DPYD: variants seen among roughly 807,000 people sequenced by gnomAD.
DPYD encodes the protein dihydropyrimidine dehydrogenase, also known as dihydropyrimidine dehydrogenase [NADP(+)].
Under a neutral mutation model 116.2 loss-of-function variants are expected in DPYD, and 109 were observed. That is an observed-to-expected ratio of 0.94 (90% CI 0.80 to 1.10). DPYD has a LOEUF of 1.10. DPYD is among the 50% of genes least tolerant of loss of function. The probability of loss-of-function intolerance (pLI) is 0.00; values close to 1 mark genes in which losing one functional copy is unlikely to be tolerated. For missense variants in DPYD, 1,302 were observed against 1,254.5 expected (o/e 1.04, Z -0.57); for synonymous variants, 440 against 432.0 (o/e 1.02, Z -0.23).
chr1:97,236,319 T>C (rs192620297), intron 18 of DPYD, among the ~76,000 whole-genome samples: 92 of 152,306 alleles, frequency 6.0e-4, no homozygotes, highest in African/African-American at 2.1e-3. Context: ...AATATCAATA[T>C]GTATTTACTG....
At chr1:97,600,252 C>A (rs1042510271) in intron 8 of DPYD, among the ~76,000 whole-genome samples, 1 of 152,058 alleles carries the variant, frequency 6.6e-6, no homozygotes, top group African/African-American at 2.4e-5. Context: ...AGTTTTTCAC[C>A]TTCCAAAGTA....
chr1:97,466,217 T>C (rs906026319), intron 13 of DPYD, among the ~76,000 whole-genome samples: 1 of 152,202 alleles, frequency 6.6e-6, no homozygotes, highest in Non-Finnish European at 1.5e-5. Flanking sequence ...ACGCAAAATA[T>C]TCTTATTTGT....
chr1:97,879,201 T>C (rs1371708317), intron 2 of DPYD, among the ~76,000 whole-genome samples: 3 of 152,008 alleles, frequency 2.0e-5, no homozygotes, highest in Admixed American at 2.0e-4. Flanking sequence ...AGGGTGCTTC[T>C]GAAGCTTAAA....
At chr1:97,789,106 G>A (rs1352734135) in intron 3 of DPYD, among the ~76,000 whole-genome samples, 2 of 152,108 alleles carry the variant, frequency 1.3e-5, no homozygotes, top group Non-Finnish European at 2.9e-5. Context: ...AACACCTGTG[G>A]CTGAATAAAA....
At chr1:97,729,988 C>G (rs1663495122) in intron 4 of DPYD, among the ~76,000 whole-genome samples, 1 of 152,072 alleles carries the variant, frequency 6.6e-6, no homozygotes, top group Non-Finnish European at 1.5e-5. Flanking sequence ...TTTTAAAGAC[C>G]TTTATCAATA....
chr1:97,450,286 C>A, intron 13 of DPYD, 63 bp from the exon 14 acceptor site: 2 of 1,564,702 alleles, frequency 1.3e-6, no homozygotes, highest in Non-Finnish European at 1.7e-6. Flanking sequence ...TCTTTATTAT[C>A]TGCTCATTTC....
rs74870559 is a variant in DPYD, at chr1:97,324,520, A to G, written c.2059-18223T>C. On this transcript the variant is annotated intron_variant, in intron 16 of 22. Coordinates refer to ENST00000370192, the MANE Select transcript of DPYD (RefSeq NM_000110.4). ...GTTTACTTTTCTTTAGAAAGGAGCT[A>G]TTGGCCTGGCCGAGCAGGTCCTTAG... Among the ~76,000 whole-genome samples the G allele has an allele frequency of 0.011, 1,615 of 152,158 alleles. 97 individuals are homozygous for G. In the East Asian group the frequency reaches 0.17, roughly 16 times the overall value.
chr1:97,752,337 T>C (rs774821729), intron 3 of DPYD, among the ~76,000 whole-genome samples: 1 of 151,276 alleles, frequency 6.6e-6, no homozygotes, highest in African/African-American at 2.4e-5. Context: ...CACACATACA[T>C]TAAATTTAAA....
chr1:97,187,234 TA>T (rs1202841994), intron 20 of DPYD, among the ~76,000 whole-genome samples: 1 of 152,124 alleles, frequency 6.6e-6, no homozygotes, highest in Non-Finnish European at 1.5e-5. Context: ...CATCCTCACC[TA>T]CATCTGTTAT....
intron 18 of DPYD, among the ~76,000 whole-genome samples, chr1:97,288,470 A>C (rs1270955131): frequency 6.6e-6 from 1 of 152,056 alleles, no homozygotes; most frequent in African/African-American, 2.4e-5. Flanking sequence ...AAAGAACAGA[A>C]ATTATAACAA....
At chr1:97,226,459 C>T (rs1250439396) in intron 19 of DPYD, among the ~76,000 whole-genome samples, 5 of 151,928 alleles carry the variant, frequency 3.3e-5, no homozygotes, top group Admixed American at 1.3e-4. Flanking sequence ...CTGTAGATAC[C>T]ATATTATATG....
intron 21 of DPYD, among the ~76,000 whole-genome samples, chr1:97,094,984 T>C (rs1650145074): frequency 6.6e-6 from 1 of 152,132 alleles, no homozygotes; most frequent in Admixed American, 6.6e-5. Context: ...AAAGGAATCA[T>C]ATTAAACATA....
chr1:97,573,824 C>T lies in DPYD; in HGVS notation c.1275G>A (p.Gln425=), dbSNP rs1653078400. 6.2e-7 allele frequency: 1 copy of T among 1,613,710 alleles called. No homozygotes were observed. Among genetic ancestry groups the T allele is most frequent in the Non-Finnish European group, 8.5e-7 (1 of 1,179,676 alleles). ...CCACATCGGCTTTCAGATGGACCAT[C>T]TGATCTTCATCTTCATTCCATTTTC... is the stretch of plus-strand genomic sequence containing the variant. ...ETGKWNEDED[Q]MVHLKADVVI... is the part of the protein sequence containing the mutation. Residue 425 remains glutamine, a synonymous_variant, in exon 11 of 23, where the codon CAG becomes CAA. Transcript: ENST00000370192.
chr1:97,290,499 T>G (rs1460327657), intron 18 of DPYD, among the ~76,000 whole-genome samples: 1 of 151,920 alleles, frequency 6.6e-6, no homozygotes, highest in Non-Finnish European at 1.5e-5. Flanking sequence ...TATAGATCAA[T>G]GGAACAGAAC....
At chr1:97,300,136 C>T (rs28538108) in intron 18 of DPYD, among the ~76,000 whole-genome samples, 2,279 of 152,072 alleles carry the variant, frequency 0.015, 31 homozygotes, top group South Asian at 0.024. Flanking sequence ...TTGTAATAAG[C>T]TAAGAATGTT....
intron 18 of DPYD, among the ~76,000 whole-genome samples, chr1:97,288,783 A>G (rs1213572085): frequency 6.6e-6 from 1 of 151,244 alleles, no homozygotes; most frequent in Non-Finnish European, 1.5e-5. Flanking sequence ...AGAACTAGAA[A>G]AGCAAGAGCA....
chr1:97,086,920 T>C (rs777776128), intron 21 of DPYD, among the ~76,000 whole-genome samples: 1 of 152,236 alleles, frequency 6.6e-6, no homozygotes, highest in Non-Finnish European at 1.5e-5. Context: ...TATTTGGATG[T>C]AGCTATTTAA....
At chr1:97,370,614 CTTGT>C (rs1303905483) in intron 16 of DPYD, among the ~76,000 whole-genome samples, 2 of 152,034 alleles carry the variant, frequency 1.3e-5, no homozygotes, top group Admixed American at 6.6e-5. Flanking sequence ...ACAATATGCA[CTTGT>C]TTATTTCTTT....
At chr1:97,371,849 T>C (rs1408370806) in intron 16 of DPYD, among the ~76,000 whole-genome samples, 1 of 147,132 alleles carries the variant, frequency 6.8e-6, no homozygotes, top group Non-Finnish European at 1.5e-5. Context: ...ATGGAAATGT[T>C]CCTAAATTTT....
Sources: allele counts gnomAD v4.1 joint callset (sites outside exome capture counted in the v4.1 genomes callset), GRCh38; gene constraint gnomAD v4.1.1; transcripts MANE v1.5; gene names NCBI Gene and HGNC (gene_info 2026-07-23, HGNC 2026-07-21).